RPS6KA2: variants seen among roughly 807,000 people sequenced by gnomAD.
The protein encoded by RPS6KA2 is ribosomal protein S6 kinase alpha-2.
Under a neutral mutation model 91.8 loss-of-function variants are expected in RPS6KA2, and 42 were observed. The observed-to-expected ratio is 0.46, with a 90% CI of 0.36 to 0.59. The LOEUF (loss-of-function observed/expected upper bound fraction) is 0.59. Ranked by LOEUF, RPS6KA2 falls within the 20% of genes least tolerant of loss-of-function variation. RPS6KA2 has a pLI of 0.00. For synonymous variants in RPS6KA2, 414 were observed against 393.6 expected (o/e 1.05, Z -0.61); for missense variants, 798 against 978.5 (o/e 0.82, Z 2.46).
intron 2 of RPS6KA2, among the ~76,000 whole-genome samples, chr6:166,769,541 T>G (rs1386008407): frequency 2.0e-5 from 3 of 152,226 alleles, no homozygotes; most frequent in East Asian, 3.8e-4. Context: ...TGAGATTCTG[T>G]GTGCCCACCC....
At chr6:166,679,306 A>AT (rs1255457481) in intron 2 of RPS6KA2, among the ~76,000 whole-genome samples, 2 of 151,384 alleles carry the variant, frequency 1.3e-5, no homozygotes, top group Non-Finnish European at 2.9e-5. Flanking sequence ...AAAAAAAAAA[A>AT]TACAAAAATT....
At chr6:166,785,393 T>C (rs1291354317) in intron 2 of RPS6KA2, among the ~76,000 whole-genome samples, 3 of 152,256 alleles carry the variant, frequency 2.0e-5, no homozygotes, top group Non-Finnish European at 2.9e-5. Flanking sequence ...GCAGGGATTA[T>C]TGGCTCTTTC....
intron 2 of RPS6KA2, among the ~76,000 whole-genome samples, chr6:166,740,007 C>A (rs750478622): frequency 1.3e-4 from 20 of 152,208 alleles, no homozygotes; most frequent in African/African-American, 4.3e-4. Context: ...GGACACCTAC[C>A]AGGGCTAGGC....
rs947178932 is a variant in RPS6KA2 at position 166,437,032 on chromosome 6, T to TC, written c.1333-4543_1333-4542insG. 2.7e-5 allele frequency among the ~76,000 whole-genome samples: 4 copies of TC among 148,518 alleles called. No individual in the cohort carries two copies. Among genetic ancestry groups the TC allele is most frequent in the Non-Finnish European group, 4.4e-5 (3 of 67,568 alleles). On this transcript the variant is annotated intron_variant, in intron 14 of 20. Coordinates refer to ENST00000265678, the MANE Select transcript of RPS6KA2 (RefSeq NM_021135.6). This position sits in a 1 kb window ranked among gnomAD's most constrained non-coding sequence, Gnocchi z 4.3. ...CTGTAACTTTTTCTGAAAAAAAAAT[T>TC]TTTTTTTTTTGCTTTTGTTTTTATT...
rs1234340304 is a variant in RPS6KA2, at chr6:166,499,562, C to A, written c.605-912G>T. 2.6e-5 allele frequency among the ~76,000 whole-genome samples: 4 copies of A among 152,188 alleles called. No individual in the cohort carries two copies. The East Asian group carries it at 7.7e-4, about 29-fold the overall frequency. ...TGACAGTGAATAAGACTCACGAGAT[C>A]TGATGGTTTTATACAGGGCAGTTCT... On this transcript the variant is annotated intron_variant, in intron 7 of 20. Transcript: ENST00000265678.
At chr6:166,758,648 C>G (rs1207476660) in intron 2 of RPS6KA2, among the ~76,000 whole-genome samples, 2 of 152,170 alleles carry the variant, frequency 1.3e-5, no homozygotes, top group Non-Finnish European at 2.9e-5. Context: ...AGAGACCTAC[C>G]AACTGACAAT....
chr6:166,827,952 T>C (rs1780088940), intron 2 of RPS6KA2, among the ~76,000 whole-genome samples: 1 of 152,240 alleles, frequency 6.6e-6, no homozygotes, highest in African/African-American at 2.4e-5. Flanking sequence ...CAACTTCCTC[T>C]TGGAATGTAG....
At chr6:166,660,675 G>A (rs892129849) in intron 2 of RPS6KA2, among the ~76,000 whole-genome samples, 2 of 152,176 alleles carry the variant, frequency 1.3e-5, no homozygotes, top group African/African-American at 4.8e-5. Context: ...ATGAGAGTGT[G>A]TAACAGAACA....
At chr6:166,812,398 C>G (rs534711632) in intron 2 of RPS6KA2, among the ~76,000 whole-genome samples, 1 of 152,176 alleles carries the variant, frequency 6.6e-6, no homozygotes, top group African/African-American at 2.4e-5. Context: ...ATGTTGGCAG[C>G]TCCCTCCCAG....
At chr6:166,848,249 C>A (rs993497173) in intron 2 of RPS6KA2, among the ~76,000 whole-genome samples, 53 of 151,980 alleles carry the variant, frequency 3.5e-4, no homozygotes, top group Non-Finnish European at 7.4e-5. Flanking sequence ...TTTAAAAAAT[C>A]AAAAAATAAT....
intron 1 of RPS6KA2, among the ~76,000 whole-genome samples, chr6:166,550,071 C>T (rs578212994): frequency 1.1e-4 from 16 of 152,104 alleles, no homozygotes; most frequent in Middle Eastern, 6.8e-3. Flanking sequence ...TGATGATTAC[C>T]GTGACATTTT....
intron 12 of RPS6KA2, among the ~76,000 whole-genome samples, chr6:166,455,118 C>T (rs1780054819): frequency 6.6e-6 from 1 of 151,982 alleles, no homozygotes; most frequent in African/African-American, 2.4e-5. Context: ...AGCACTTCTT[C>T]CCCCCCTCGT....
At chr6:166,498,365 G>T in intron 8 of RPS6KA2, 143 bp downstream of exon 8, 1 of 939,632 alleles carries the variant, frequency 1.1e-6, no homozygotes, top group Non-Finnish European at 1.5e-6. Context: ...GCCAGGAAAT[G>T]CTTGGCCTGG....
chr6:166,765,201 A>G (rs62438718), intron 2 of RPS6KA2, among the ~76,000 whole-genome samples: 3,733 of 152,322 alleles, frequency 0.025, 69 homozygotes, highest in Non-Finnish European at 0.033. Flanking sequence ...TGTGTGCAGC[A>G]TCTCTGGACT....
chr6:166,514,439 C>G (rs1782572059), intron 3 of RPS6KA2, among the ~76,000 whole-genome samples: 2 of 152,138 alleles, frequency 1.3e-5, no homozygotes, highest in African/African-American at 4.8e-5. Context: ...GGGGCTAAGC[C>G]TTACAGGGGA....
At chr6:166,799,092 T>C (rs1779296876) in intron 2 of RPS6KA2, among the ~76,000 whole-genome samples, 1 of 152,254 alleles carries the variant, frequency 6.6e-6, no homozygotes, top group Non-Finnish European at 1.5e-5. Flanking sequence ...ACCAGTGACA[T>C]AGCAAATCTT....
Position 166,719,162 on chromosome 6 carries a change from T to G in RPS6KA2, c.123+139038A>C, listed in dbSNP as rs1036334847. On this transcript the variant is annotated intron_variant, in intron 2 of 21. Transcript: ENST00000503859. Reference sequence around the variant, plus strand: ...AATGTGCATGGCTGCGTTCTTAGAATGCGTATTGGACATTGCTACCATTTA... The same window carrying G: ...AATGTGCATGGCTGCGTTCTTAGAAGGCGTATTGGACATTGCTACCATTTA... Among the ~76,000 whole-genome samples, 4 of 152,316 alleles carry G rather than the reference T, an allele frequency of 2.6e-5. No individual in the cohort carries two copies. The South Asian group carries it at 8.3e-4, about 32-fold the overall frequency.
rs965822912 is a variant in RPS6KA2 at position 166,733,304 on chromosome 6, G to A, written c.123+124896C>T. Among the ~76,000 whole-genome samples the A allele has an allele frequency of 2.0e-5, 3 of 152,186 alleles. No individual in the cohort carries two copies. The highest frequency in any genetic ancestry group is 2.9e-5 in the Non-Finnish European group (2 of 68,034). On this transcript the variant is annotated intron_variant, in intron 2 of 21. Coordinates refer to the RPS6KA2 transcript ENST00000503859. This position sits in a 1 kb window ranked among gnomAD's most constrained non-coding sequence, Gnocchi z 4.1. ...CCCTTTATGGACATGCAGGACTGAT[G>A]CCGCCACTGTCAGTAACAGCAGTGG... is the stretch of plus-strand genomic sequence containing the variant.
At chr6:166,481,184 T>C (rs923046595) in intron 10 of RPS6KA2, among the ~76,000 whole-genome samples, 10 of 152,262 alleles carry the variant, frequency 6.6e-5, no homozygotes, top group African/African-American at 2.4e-5. Flanking sequence ...ATAGTTCATT[T>C]TTCAAGTTTA....
Sources: gnomAD v4.1 joint callset for allele counts (sites outside exome capture counted in the v4.1 genomes callset) on GRCh38, gnomAD v4.1.1 for gene constraint, Gnocchi (gnomAD v3.1) non-coding constraint, MANE v1.5 for transcripts, NCBI Gene and HGNC (gene_info 2026-07-23, HGNC 2026-07-21) for gene names.